Variants in GRIK1 observed in about 807,000 individuals in gnomAD.
The protein encoded by GRIK1 is glutamate receptor ionotropic, kainate 1.
A neutral mutation model predicts 105.7 loss-of-function variants in GRIK1; 69 were observed. The observed-to-expected ratio is 0.65, with a 90% CI of 0.54 to 0.80. The LOEUF (loss-of-function observed/expected upper bound fraction) is 0.80, where lower values mean the gene tolerates loss of function less well. Ranked by LOEUF, GRIK1 falls within the 30% of genes least tolerant of loss-of-function variation. The pLI, the probability that GRIK1 is intolerant of heterozygous loss-of-function variation, is 0.00. For synonymous variants in GRIK1, 438 were observed against 431.3 expected, an observed-to-expected ratio of 1.02 and a Z score of -0.19; for missense variants, 1,109 against 1,167.3, an observed-to-expected ratio of 0.95 and a Z score of 0.73.
At chr21:29,858,420 C>G (rs1023801970) in intron 1 of GRIK1, among the ~76,000 whole-genome samples, 1 of 152,228 alleles carries the variant, frequency 6.6e-6, no homozygotes, top group East Asian at 1.9e-4. Context: ...CCTGGAACCT[C>G]TTAATGACAG....
At chr21:29,677,904 A>T (rs954692902) in intron 3 of GRIK1, among the ~76,000 whole-genome samples, 1 of 152,218 alleles carries the variant, frequency 6.6e-6, no homozygotes, top group Non-Finnish European at 1.5e-5. Context: ...CCACTGCTGA[A>T]CACCTCTCAG....
rs139288647 is a variant in GRIK1 at position 29,937,010 on chromosome 21, G to A, written c.118+2373C>T. The stretch of plus-strand genomic sequence containing the variant: ...TGTTTAGTTGATCGGTCGGTTGCTT[G>A]GATGGGTGATGGTTTGTTGGAAAGA... On this transcript the variant is annotated intron_variant, in intron 1 of 17. Transcript: ENST00000327783. Among the ~76,000 whole-genome samples the A allele has an allele frequency of 3.1e-3, 468 of 152,216 alleles. 4 individuals carry two copies. Among genetic ancestry groups the A allele is most frequent in the African/African-American group, 0.011 (445 of 41,516 alleles).
At chr21:29,573,686 T>C (rs2090812003) in intron 14 of GRIK1, among the ~76,000 whole-genome samples, 1 of 151,738 alleles carries the variant, frequency 6.6e-6, no homozygotes, top group African/African-American at 2.4e-5. Context: ...CCCAACTCTA[T>C]TAAAATAAAA....
chr21:29,642,586 G>C (rs2062534549), intron 7 of GRIK1, among the ~76,000 whole-genome samples: 1 of 152,246 alleles, frequency 6.6e-6, no homozygotes, highest in South Asian at 2.1e-4. Context: ...TGGCTGGCAT[G>C]AAGGAGAGTA....
At chr21:29,648,398 C>T (rs1480731238) in intron 6 of GRIK1, among the ~76,000 whole-genome samples, 3 of 152,152 alleles carry the variant, frequency 2.0e-5, no homozygotes, top group Admixed American at 6.5e-5. Flanking sequence ...TAATCATGCA[C>T]ATTCACATAT....
chr21:29,578,988 C>A (rs1265465736), intron 13 of GRIK1, among the ~76,000 whole-genome samples: 2 of 152,062 alleles, frequency 1.3e-5, no homozygotes, highest in African/African-American at 2.4e-5. Flanking sequence ...TATTTGGTTG[C>A]ATATGAAAAC....
intron 1 of GRIK1, among the ~76,000 whole-genome samples, chr21:29,865,906 C>T (rs1419018344): frequency 6.6e-6 from 1 of 152,192 alleles, no homozygotes; most frequent in Admixed American, 6.5e-5. Flanking sequence ...GCAAAAGCCA[C>T]AGCCCTAATG....
rs190048250 is a variant in GRIK1 at position 29,825,479 on chromosome 21, A to C, written c.118+113904T>G. ...TGATGCTAGAGAGAAAAATATTCTG[A>C]GTATTTGTGCACTCTTTTAGATGAT... On this transcript the variant is annotated intron_variant, in intron 1 of 17. Transcript: ENST00000327783. 2.3e-3 allele frequency among the ~76,000 whole-genome samples: 351 copies of C among 152,224 alleles called. 3 individuals are homozygous for C. Among genetic ancestry groups the C allele is most frequent in the Admixed American group, 2.6e-3 (40 of 15,262 alleles).
intron 1 of GRIK1, among the ~76,000 whole-genome samples, chr21:29,856,077 G>A (rs544776569): frequency 1.3e-5 from 2 of 152,206 alleles, no homozygotes. Flanking sequence ...TTGAATATAT[G>A]TCTAGATTTC....
chr21:29,718,712 C>A (rs1168747810), intron 1 of GRIK1, among the ~76,000 whole-genome samples: 1 of 152,140 alleles, frequency 6.6e-6, no homozygotes, highest in Non-Finnish European at 1.5e-5. Context: ...AAAGCATGAT[C>A]ACATGTTTAC....
rs560275584 is a variant in GRIK1 at position 29,663,373 on chromosome 21, C to G, written c.727-8510G>C. On this transcript the variant is annotated intron_variant, in intron 4 of 17. Coordinates refer to ENST00000327783, the MANE Select transcript of GRIK1 (RefSeq NM_001330994.2). Reference sequence around the variant, plus strand: ...GAGTTTGTTAAGTTTCCTGTCTACCCGTGAGGGAGCCTCCTGTATAAATGC... The same window carrying G: ...GAGTTTGTTAAGTTTCCTGTCTACCGGTGAGGGAGCCTCCTGTATAAATGC... Among the ~76,000 whole-genome samples the G allele has an allele frequency of 2.6e-5, 4 of 152,252 alleles. No homozygotes were observed. The South Asian group carries it at 8.3e-4, about 32-fold the overall frequency.
At chr21:29,913,650 G>T (rs866756282) in intron 1 of GRIK1, among the ~76,000 whole-genome samples, 1 of 148,128 alleles carries the variant, frequency 6.8e-6, no homozygotes. Context: ...GAAAACAGTA[G>T]ATTTAAATTA....
At chr21:29,862,864 C>T (rs1284742574) in intron 1 of GRIK1, among the ~76,000 whole-genome samples, 1 of 152,154 alleles carries the variant, frequency 6.6e-6, no homozygotes. Flanking sequence ...ATGTGCTATG[C>T]TAAACACAGA....
At chr21:29,670,157 A>G (rs1022661019) in intron 4 of GRIK1, among the ~76,000 whole-genome samples, 1 of 152,180 alleles carries the variant, frequency 6.6e-6, no homozygotes, top group Non-Finnish European at 1.5e-5. Flanking sequence ...TCTCCAAAAT[A>G]TTTGCAGATT....
At chr21:29,638,406 C>T (rs76724506) in intron 7 of GRIK1, among the ~76,000 whole-genome samples, 7,240 of 152,234 alleles carry the variant, frequency 0.048, 255 homozygotes, top group Non-Finnish European at 0.072. Flanking sequence ...CCTCCTTCAA[C>T]ACTTGGAGAT....
intron 6 of GRIK1, among the ~76,000 whole-genome samples, chr21:29,643,866 A>G (rs2062563405): frequency 6.6e-6 from 1 of 152,160 alleles, no homozygotes; most frequent in South Asian, 2.1e-4. Context: ...ATTATGTGAG[A>G]AAACTCACTT....
chr21:29,802,340 G>A (rs1334821280), intron 1 of GRIK1, among the ~76,000 whole-genome samples: 1 of 152,008 alleles, frequency 6.6e-6, no homozygotes, highest in African/African-American at 2.4e-5. Context: ...TAAGCCTCAG[G>A]TTTGTTACTT....
chr21:29,656,354 CAAAAAAAA>C (rs3054331), intron 4 of GRIK1, among the ~76,000 whole-genome samples: 299 of 50,980 alleles, frequency 5.9e-3, no homozygotes, highest in African/African-American at 0.015. Context: ...GAGCGAGACT[CAAAAAAAA>C]AAAAAAAAAA....
chr21:29,892,127 C>T (rs1268370843), intron 1 of GRIK1, among the ~76,000 whole-genome samples: 1 of 152,188 alleles, frequency 6.6e-6, no homozygotes, highest in East Asian at 1.9e-4. Flanking sequence ...CAGTCACAGG[C>T]TTTCCATTAG....
Sources: gnomAD v4.1 joint callset for allele counts (sites outside exome capture counted in the v4.1 genomes callset) on GRCh38, gnomAD v4.1.1 for gene constraint, MANE v1.5 for transcripts, NCBI Gene and HGNC (gene_info 2026-07-23, HGNC 2026-07-21) for gene names.